Variants in KLF12 observed in about 807,000 individuals in gnomAD.
The protein encoded by KLF12 is Krueppel-like factor 12.
A neutral mutation model predicts 37.8 loss-of-function variants in KLF12; 9 were observed. The observed-to-expected ratio is 0.24, with a 90% CI of 0.14 to 0.42. The LOEUF (loss-of-function observed/expected upper bound fraction) is 0.42. Among genes scored for constraint, KLF12 ranks in the 10% least tolerant of loss-of-function variants. The pLI is 1.00. For synonymous variants in KLF12, 208 were observed against 202.1 expected, an observed-to-expected ratio of 1.03 and a Z score of -0.25; for missense variants, 411 against 516.0, an observed-to-expected ratio of 0.80 and a Z score of 1.97.
chr13:74,083,283 C>T (rs565923169), intron 1 of KLF12, among the ~76,000 whole-genome samples: 3 of 152,278 alleles, frequency 2.0e-5, no homozygotes. Flanking sequence ...GACACCAAGG[C>T]AGGCGGATCA....
At chr13:73,958,638 T>G (rs1363529369) in intron 2 of KLF12, among the ~76,000 whole-genome samples, 1 of 152,156 alleles carries the variant, frequency 6.6e-6, no homozygotes, top group East Asian at 1.9e-4. Context: ...CATATGTGGA[T>G]TGTATTCTAT....
intron 2 of KLF12, among the ~76,000 whole-genome samples, chr13:73,993,719 G>T (rs1225626494): frequency 3.3e-5 from 5 of 152,210 alleles, no homozygotes; most frequent in African/African-American, 1.2e-4. Flanking sequence ...TGGTATGCTG[G>T]AGCTAGCTCA....
At chr13:73,712,107 G>C (rs2137657320) in intron 7 of KLF12, among the ~76,000 whole-genome samples, 1 of 152,272 alleles carries the variant, frequency 6.6e-6, no homozygotes, top group East Asian at 1.9e-4. Context: ...GGGAGGCTGA[G>C]GTGGGCAGAT....
At chr13:74,220,375 A>T in the KLF12 span, among the ~76,000 whole-genome samples, 1 of 152,210 alleles carries the variant, frequency 6.6e-6, no homozygotes, top group East Asian at 1.9e-4. Context: ...TTAATTAATT[A>T]ATTTCTAAAG....
At chr13:73,898,035 G>A (rs1045781879) in intron 3 of KLF12, among the ~76,000 whole-genome samples, 6 of 151,936 alleles carry the variant, frequency 3.9e-5, no homozygotes, top group Admixed American at 3.9e-4. Flanking sequence ...TTCCTGCCAG[G>A]GTACGCTCTT....
the KLF12 span, among the ~76,000 whole-genome samples, chr13:74,249,808 G>A: frequency 1.3e-5 from 2 of 152,102 alleles, no homozygotes; most frequent in East Asian, 3.8e-4. Context: ...TCATGAGGAG[G>A]CGTTTCTTCA....
At chr13:73,945,562 A>G (rs1890385768) in intron 2 of KLF12, among the ~76,000 whole-genome samples, 1 of 152,206 alleles carries the variant, frequency 6.6e-6, no homozygotes, top group Non-Finnish European at 1.5e-5. Context: ...CAGTATAGTG[A>G]AACTATTTCT....
chr13:74,036,506 C>G (rs896582732), intron 1 of KLF12, among the ~76,000 whole-genome samples: 1 of 152,198 alleles, frequency 6.6e-6, no homozygotes, highest in Non-Finnish European at 1.5e-5. Context: ...ATGAACACCA[C>G]CAGCAGGAAC....
intron 1 of KLF12, among the ~76,000 whole-genome samples, chr13:74,030,754 T>C (rs1426836108): frequency 6.6e-6 from 1 of 152,112 alleles, no homozygotes; most frequent in African/African-American, 2.4e-5. Context: ...CAGGGTGACA[T>C]TTAAGATAGC....
the KLF12 span, among the ~76,000 whole-genome samples, chr13:74,220,791 T>G: frequency 2.6e-5 from 4 of 152,310 alleles, no homozygotes; most frequent in East Asian, 7.7e-4. Context: ...CCTGGCTTAT[T>G]TCACTTAACA....
At chr13:73,874,655 C>T (rs1012437849) in intron 3 of KLF12, among the ~76,000 whole-genome samples, 1 of 152,146 alleles carries the variant, frequency 6.6e-6, no homozygotes, top group African/African-American at 2.4e-5. Context: ...CAAGTACATC[C>T]TATTATACCA....
chr13:73,944,314 C>G (rs960163779), intron 2 of KLF12, among the ~76,000 whole-genome samples: 1 of 152,094 alleles, frequency 6.6e-6, no homozygotes, highest in Non-Finnish European at 1.5e-5. Context: ...GGAGGTCAGA[C>G]TGTAATAAAC....
intron 2 of KLF12, among the ~76,000 whole-genome samples, chr13:73,957,517 G>C (rs1007313330): frequency 4.6e-5 from 7 of 152,184 alleles, no homozygotes; most frequent in African/African-American, 1.7e-4. Context: ...AGTCTCCAAA[G>C]TAACTACAAT....
At chr13:73,871,240 C>T (rs1566429562) in intron 3 of KLF12, among the ~76,000 whole-genome samples, 1 of 152,172 alleles carries the variant, frequency 6.6e-6, no homozygotes. Flanking sequence ...CTCGCAACAG[C>T]AGCAGCAGCT....
chr13:74,069,821 A>G (rs1874125918), intron 1 of KLF12, among the ~76,000 whole-genome samples: 1 of 152,214 alleles, frequency 6.6e-6, no homozygotes, highest in Non-Finnish European at 1.5e-5. Flanking sequence ...TGACTTAAAA[A>G]TGGTTCCTAG....
At chr13:74,217,538 C>A in the KLF12 span, among the ~76,000 whole-genome samples, 1 of 152,040 alleles carries the variant, frequency 6.6e-6, no homozygotes, top group Non-Finnish European at 1.5e-5. Context: ...ACCAGCCTGG[C>A]CAACATGGTG....
chr13:73,839,093 C>CTTT, intron 4 of KLF12, among the ~76,000 whole-genome samples: 1 of 138,632 alleles, frequency 7.2e-6, no homozygotes, highest in African/African-American at 2.7e-5. Flanking sequence ...ATGACATTAA[C>CTTT]TTTTTTTTTT....
Position 73,993,047 on chromosome 13 carries a change from C to T in KLF12, c.33+1943G>A, listed in dbSNP as rs565328725. 4.5e-4 allele frequency among the ~76,000 whole-genome samples: 69 copies of T among 152,250 alleles called. 1 individual carries two copies. Among genetic ancestry groups the T allele is most frequent in the African/African-American group, 1.6e-3 (67 of 41,548 alleles). On this transcript the variant is annotated intron_variant, in intron 2 of 7. Coordinates refer to ENST00000377669, the MANE Select transcript of KLF12 (RefSeq NM_007249.5). ...AGATGTTCAAGACCAGCCTGGCCAACGCGGTGAAACCCTGTCTCTACTAAA... is the reference window on the plus strand; with the variant it reads ...AGATGTTCAAGACCAGCCTGGCCAATGCGGTGAAACCCTGTCTCTACTAAA...
chr13:73,983,233 C>G (rs1891735374), intron 2 of KLF12, among the ~76,000 whole-genome samples: 1 of 152,182 alleles, frequency 6.6e-6, no homozygotes, highest in Non-Finnish European at 1.5e-5. Context: ...AGGCAACCAA[C>G]CCTGGCACAG....
Sources: gnomAD v4.1 joint callset for allele counts (sites outside exome capture counted in the v4.1 genomes callset) on GRCh38, gnomAD v4.1.1 for gene constraint, MANE v1.5 for transcripts, NCBI Gene and HGNC (gene_info 2026-07-23, HGNC 2026-07-21) for gene names.